MBNL2: variants seen among roughly 807,000 people sequenced by gnomAD.
The protein encoded by MBNL2 is muscleblind-like protein 2.
Under a neutral mutation model 41.9 loss-of-function variants are expected in MBNL2, and 17 were observed. The ratio of observed to expected loss-of-function variants is 0.41; its 90% CI spans 0.28 to 0.61. The LOEUF is 0.61. MBNL2 is among the 20% of genes least tolerant of loss of function. The pLI is 0.35. For missense variants in MBNL2, 336 were observed against 505.6 expected (o/e 0.66, Z 3.22); for synonymous variants, 195 against 182.9 (o/e 1.07, Z -0.53).
rs919476784 is a variant in MBNL2 at position 97,268,145 on chromosome 13, A to G, written c.-604-7487A>G. Among the ~76,000 whole-genome samples the G allele has an allele frequency of 4.6e-5, 7 of 151,836 alleles. No individual in the cohort carries two copies. The highest frequency in any genetic ancestry group is 1.7e-4 in the African/African-American group (7 of 41,286). On this transcript the variant is annotated intron_variant, in intron 1 of 8. Coordinates refer to ENST00000679496, the MANE Select transcript of MBNL2 (RefSeq NM_001382683.1). This position sits in a 1 kb window ranked among gnomAD's most constrained non-coding sequence, Gnocchi z 4.6. ...GCGTCGCTCTTGTCATCCAGGCTAG[A>G]GTGCAGTGGCACGATCTTGGCTCAC...
At chr13:97,225,512 A>G (rs1212462518) in intron 1 of MBNL2, among the ~76,000 whole-genome samples, 1 of 152,102 alleles carries the variant, frequency 6.6e-6, no homozygotes, top group East Asian at 1.9e-4. Flanking sequence ...GGGGGCCTTT[A>G]CCATCTTCAG....
the MBNL2 span, among the ~76,000 whole-genome samples, chr13:97,204,751 G>C: frequency 6.6e-6 from 1 of 152,186 alleles, no homozygotes; most frequent in African/African-American, 2.4e-5. Flanking sequence ...TCCCTTCAGT[G>C]CTGGGTCCCC....
chr13:97,264,900 G>A (rs2152893176), intron 1 of MBNL2, among the ~76,000 whole-genome samples: 1 of 152,350 alleles, frequency 6.6e-6, no homozygotes, highest in South Asian at 2.1e-4. Context: ...TGTTCTGTCT[G>A]GCTACAGCCA....
At chr13:97,347,736 A>G (rs920293474) in intron 5 of MBNL2, among the ~76,000 whole-genome samples, 1 of 152,128 alleles carries the variant, frequency 6.6e-6, no homozygotes, top group East Asian at 1.9e-4. Context: ...CCAGCAGTAC[A>G]TCATCATTAT....
the MBNL2 span, among the ~76,000 whole-genome samples, chr13:97,187,633 C>A: frequency 7.1e-6 from 1 of 140,560 alleles, no homozygotes; most frequent in Non-Finnish European, 1.5e-5. Flanking sequence ...AGAGGCCGGG[C>A]GCGGTGGCTC....
chr13:97,387,849 T>C (rs1285054652), intron 8 of MBNL2, among the ~76,000 whole-genome samples: 3 of 152,188 alleles, frequency 2.0e-5, no homozygotes, highest in South Asian at 4.1e-4. Context: ...GGATATATCT[T>C]AAAATTCAAA....
At chr13:97,253,409 T>G (rs112091025) in intron 1 of MBNL2, among the ~76,000 whole-genome samples, 2 of 152,218 alleles carry the variant, frequency 1.3e-5, no homozygotes, top group South Asian at 2.1e-4. Context: ...ATGGCTTGAA[T>G]AGATGATATC....
chr13:97,157,964 G>A, the MBNL2 span, among the ~76,000 whole-genome samples: 5 of 148,224 alleles, frequency 3.4e-5, no homozygotes, highest in African/African-American at 1.2e-4. Context: ...AGTTTCAGAA[G>A]GAATGGTACC....
Position 97,347,040 on chromosome 13 carries a change from GGCAGCC to G in MBNL2, c.780_785del (p.Ala264_Ala265del). 6.2e-7 allele frequency: 1 copy of G among 1,609,054 alleles called. No homozygotes were observed. The stretch of plus-strand genomic sequence containing the variant: ...CCAACCAAGCTGCGGTGGCCGCCCA[GGCAGCC>G]GCGGCCGCGGCCACAGTCATGGTAA... On this transcript the variant is annotated inframe_deletion, in exon 5 of 9. Transcript: ENST00000679496.
chr13:97,158,265 G>A, the MBNL2 span, among the ~76,000 whole-genome samples: 62 of 150,090 alleles, frequency 4.1e-4, 1 homozygote, highest in African/African-American at 1.3e-3. Context: ...TTTTTATTGT[G>A]TCTATTGGAT....
intron 1 of MBNL2, among the ~76,000 whole-genome samples, chr13:97,255,714 T>C (rs1041832616): frequency 6.6e-6 from 1 of 152,210 alleles, no homozygotes; most frequent in Non-Finnish European, 1.5e-5. Context: ...TGATCTTTTA[T>C]TCAAGAAACT....
the MBNL2 span, among the ~76,000 whole-genome samples, chr13:97,186,848 A>G: frequency 2.6e-5 from 4 of 152,274 alleles, no homozygotes; most frequent in South Asian, 2.1e-4. Context: ...ACCAAAAAAA[A>G]GGGGGTGGAA....
intron 1 of MBNL2, among the ~76,000 whole-genome samples, chr13:97,231,976 T>C (rs1225624067): frequency 6.6e-6 from 1 of 152,204 alleles, no homozygotes. Context: ...AAGATGTAGA[T>C]AGCGCCATTC....
At chr13:97,269,348 G>T (rs1269098026) in intron 1 of MBNL2, among the ~76,000 whole-genome samples, 2 of 152,154 alleles carry the variant, frequency 1.3e-5, no homozygotes, top group Non-Finnish European at 2.9e-5. Flanking sequence ...TGCATATAAT[G>T]GGGCAATGCC....
intron 2 of MBNL2, among the ~76,000 whole-genome samples, chr13:97,300,040 T>G (rs1288374510): frequency 6.6e-6 from 1 of 152,146 alleles, no homozygotes; most frequent in Non-Finnish European, 1.5e-5. Flanking sequence ...TCTAGGGCCT[T>G]AGAATTGCAT....
the MBNL2 span, among the ~76,000 whole-genome samples, chr13:97,144,136 G>A: frequency 3.9e-5 from 6 of 152,256 alleles, no homozygotes; most frequent in South Asian, 4.1e-4. Flanking sequence ...GAGCCACCAC[G>A]CCCGGCTGTG....
chr13:97,214,590 A>G, the MBNL2 span, among the ~76,000 whole-genome samples: 2 of 152,164 alleles, frequency 1.3e-5, no homozygotes, highest in Non-Finnish European at 2.9e-5. Flanking sequence ...CCTCAGTCAG[A>G]AGGTGGGCAG....
the MBNL2 span, among the ~76,000 whole-genome samples, chr13:97,164,034 T>C: frequency 2.0e-5 from 3 of 152,332 alleles, no homozygotes; most frequent in African/African-American, 7.2e-5. Context: ...TGAAACAGGG[T>C]CTCGCTCTGT....
At chr13:97,227,957 T>G (rs2041883825) in intron 1 of MBNL2, among the ~76,000 whole-genome samples, 1 of 152,208 alleles carries the variant, frequency 6.6e-6, no homozygotes. Context: ...TGCGTAATTA[T>G]GAATGGTCTG....
Sources: allele counts gnomAD v4.1 joint callset (sites outside exome capture counted in the v4.1 genomes callset), GRCh38; gene constraint gnomAD v4.1.1; non-coding constraint Gnocchi (gnomAD v3.1); transcripts MANE v1.5; gene names NCBI Gene and HGNC (gene_info 2026-07-23, HGNC 2026-07-21).